Variants in RGS7BP observed in about 807,000 individuals in gnomAD.
The protein encoded by RGS7BP is regulator of G protein signaling 7 binding protein, also known as regulator of G protein signaling 7-binding protein.
A neutral mutation model predicts 31.3 loss-of-function variants in RGS7BP; 9 were observed. That is an observed-to-expected ratio of 0.29 (90% CI 0.17 to 0.50). The LOEUF (loss-of-function observed/expected upper bound fraction) is 0.50. Among genes scored for constraint, RGS7BP ranks in the 20% least tolerant of loss-of-function variants. The pLI is 0.98. For missense variants in RGS7BP, 274 were observed against 322.0 expected, an observed-to-expected ratio of 0.85 and a Z score of 1.14; for synonymous variants, 115 against 120.1, an observed-to-expected ratio of 0.96 and a Z score of 0.28.
At position 64,565,457 on chromosome 5, in the gene RGS7BP, C is replaced by T. The variant is rs545883263; in HGVS notation, c.333-10317C>T. On this transcript the variant is annotated intron_variant, in intron 2 of 5. Transcript: ENST00000334025. ...TGGCATAAATCATCTTTTCCCCTTT[C>T]TACGTATCTGCATAAAAGTTCTGTT... Among the ~76,000 whole-genome samples the T allele has an allele frequency of 3.3e-5, 5 of 152,126 alleles. No individual in the cohort carries two copies. The South Asian group carries it at 1.0e-3, about 31-fold the overall frequency.
intron 2 of RGS7BP, among the ~76,000 whole-genome samples, chr5:64,560,585 G>T (rs533300968): frequency 6.6e-5 from 10 of 150,736 alleles, no homozygotes; most frequent in African/African-American, 2.4e-4. Flanking sequence ...AGTACATATT[G>T]TACACTAGAA....
rs752607827 is a variant in RGS7BP, at chr5:64,531,907, T to G, written c.332+24030T>G. ...TAATATGTTTAAACAATGTTAAAATTTTTCATCATCTTGGAAATTCCCCTC... is the reference window on the plus strand; with the variant it reads ...TAATATGTTTAAACAATGTTAAAATGTTTCATCATCTTGGAAATTCCCCTC... On this transcript the variant is annotated intron_variant, in intron 2 of 5. Coordinates refer to ENST00000334025, the MANE Select transcript of RGS7BP (RefSeq NM_001029875.3). 4.3e-4 allele frequency among the ~76,000 whole-genome samples: 65 copies of G among 152,210 alleles called. 1 individual carries two copies. The highest frequency in any genetic ancestry group is 8.1e-4 in the Non-Finnish European group (55 of 68,036).
At position 64,609,476 on chromosome 5, in the gene RGS7BP, G is replaced by C; in HGVS notation, c.*224G>C. ...TTCAAAAACCAGGCTGTTTTTAAAA[G>C]GGAATTTTAAAGCTGACATTGTGCA... On this transcript the variant is annotated 3_prime_UTR_variant, in exon 6 of 6. Transcript: ENST00000334025. 1 of 524,746 alleles carries C rather than the reference G, an allele frequency of 1.9e-6. No homozygotes were observed. The highest frequency in any genetic ancestry group is 3.1e-5 in the East Asian group (1 of 32,394). The allele number at this position is 524,746 out of a possible 1,614,324, so 32.5% of individuals were successfully genotyped here.
intron 2 of RGS7BP, among the ~76,000 whole-genome samples, chr5:64,545,695 GA>G (rs1162381293): frequency 6.6e-6 from 1 of 152,166 alleles, no homozygotes; most frequent in African/African-American, 2.4e-5. Context: ...TCTAAGAAAA[GA>G]AGGCAATAAA....
rs1160756995 is a variant in RGS7BP, at chr5:64,551,036, T to C, written c.333-24738T>C. On this transcript the variant is annotated intron_variant, in intron 2 of 5. Coordinates refer to ENST00000334025, the MANE Select transcript of RGS7BP (RefSeq NM_001029875.3). The stretch of plus-strand genomic sequence containing the variant: ...CTAAAGCTTTTAAACCAGAATACAA[T>C]CATAGCAGCAATTACCCATATTGAA... Among the ~76,000 whole-genome samples, 3 of 151,742 alleles carry C rather than the reference T, an allele frequency of 2.0e-5. No individual in the cohort carries two copies. The East Asian group carries it at 5.8e-4, about 29-fold the overall frequency.
At chr5:64,585,035 C>T (rs1742705908) in intron 3 of RGS7BP, among the ~76,000 whole-genome samples, 1 of 152,138 alleles carries the variant, frequency 6.6e-6, no homozygotes, top group South Asian at 2.1e-4. Context: ...AAGCACCTAG[C>T]AGTTATGAAA....
intron 3 of RGS7BP, among the ~76,000 whole-genome samples, chr5:64,583,112 G>A (rs1316602671): frequency 6.6e-6 from 1 of 152,204 alleles, no homozygotes; most frequent in African/African-American, 2.4e-5. Flanking sequence ...GGTAGGCCAG[G>A]CGCAGTGGCT....
chr5:64,546,146 T>C (rs1472684892), intron 2 of RGS7BP, among the ~76,000 whole-genome samples: 1 of 151,966 alleles, frequency 6.6e-6, no homozygotes, highest in Non-Finnish European at 1.5e-5. Context: ...AGAACAAGAC[T>C]CTGTCTCAAA....
chr5:64,608,946 G>C (rs1332242577), intron 5 of RGS7BP, among the ~76,000 whole-genome samples: 1 of 151,996 alleles, frequency 6.6e-6, no homozygotes, highest in Non-Finnish European at 1.5e-5. Flanking sequence ...TTGTCATACA[G>C]TGCTACTGGC....
intron 2 of RGS7BP, among the ~76,000 whole-genome samples, chr5:64,552,714 G>A (rs566725826): frequency 5.3e-5 from 8 of 152,196 alleles, no homozygotes; most frequent in African/African-American, 1.9e-4. Context: ...GGTGTCTATT[G>A]ACTATTTTGT....
chr5:64,608,285 C>A (rs1743415267), intron 5 of RGS7BP, among the ~76,000 whole-genome samples: 1 of 152,034 alleles, frequency 6.6e-6, no homozygotes, highest in African/African-American at 2.4e-5. Context: ...CCCACCTTCT[C>A]TTTTGCTTTG....
intron 3 of RGS7BP, among the ~76,000 whole-genome samples, chr5:64,589,393 T>G (rs1742848508): frequency 6.6e-6 from 1 of 152,118 alleles, no homozygotes; most frequent in African/African-American, 2.4e-5. Context: ...TGATAATACT[T>G]AGCATCATGA....
Position 64,593,310 on chromosome 5 carries a change from C to T in RGS7BP, c.464-1400C>T, listed in dbSNP as rs146774594. On this transcript the variant is annotated intron_variant, in intron 3 of 5. Transcript: ENST00000334025. ...TTCAGGGATGAGATTTTTGCTACTT[C>T]CCTCCAGCAGGAATCCAAGGAAAAA... Among the ~76,000 whole-genome samples, 407 of 152,336 alleles carry T rather than the reference C, an allele frequency of 2.7e-3. 3 individuals carry two copies. Among genetic ancestry groups the T allele is most frequent in the African/African-American group, 7.9e-3 (327 of 41,580 alleles).
intron 2 of RGS7BP, among the ~76,000 whole-genome samples, chr5:64,517,202 G>T (rs369899054): frequency 2.0e-5 from 3 of 152,096 alleles, no homozygotes; most frequent in African/African-American, 7.2e-5. Context: ...AGGAAGAAAA[G>T]AGGAAGGTCA....
At chr5:64,532,886 T>C (rs73109068) in intron 2 of RGS7BP, among the ~76,000 whole-genome samples, 5,934 of 152,182 alleles carry the variant, frequency 0.039, 289 homozygotes, top group African/African-American at 0.11. Context: ...CCTAGCATAA[T>C]CACACTACCC....
At position 64,591,014 on chromosome 5, in the gene RGS7BP, T is replaced by C. The variant is rs184291630; in HGVS notation, c.464-3696T>C. On this transcript the variant is annotated intron_variant, in intron 3 of 5. Transcript: ENST00000334025. ...AAACTGTGCAAGTATTAGAAGAAAA[T>C]ATAGGCAAGGCACAGTACTAAAAGA... is the stretch of plus-strand genomic sequence containing the variant. 2.6e-5 allele frequency among the ~76,000 whole-genome samples: 4 copies of C among 152,170 alleles called. No homozygotes were observed. In the East Asian group the frequency reaches 7.7e-4, roughly 29 times the overall value.
rs541830917 is a variant in RGS7BP at position 64,586,308 on chromosome 5, C to T, written c.464-8402C>T. ...CCAGTCTCATATCTCACCAGTAATC[C>T]CCACCTCGCCTGCCCTTATACCCTG... On this transcript the variant is annotated intron_variant, in intron 3 of 5. Transcript: ENST00000334025. Among the ~76,000 whole-genome samples, 6 of 152,094 alleles carry T rather than the reference C, an allele frequency of 3.9e-5. No homozygotes were observed. In the East Asian group the frequency reaches 1.2e-3, roughly 29 times the overall value.
chr5:64,509,727 T>C (rs1226740345), intron 2 of RGS7BP, among the ~76,000 whole-genome samples: 1 of 152,196 alleles, frequency 6.6e-6, no homozygotes, highest in Non-Finnish European at 1.5e-5. Context: ...AGCTCTTTGC[T>C]ACTTGTTTGC....
intron 2 of RGS7BP, among the ~76,000 whole-genome samples, chr5:64,562,406 T>G (rs1186681623): frequency 6.6e-6 from 1 of 152,102 alleles, no homozygotes; most frequent in Non-Finnish European, 1.5e-5. Context: ...TTTTTGACAA[T>G]GCTATGAAGT....
Sources: gnomAD v4.1 joint callset for allele counts (sites outside exome capture counted in the v4.1 genomes callset) on GRCh38, gnomAD v4.1.1 for gene constraint, MANE v1.5 for transcripts, NCBI Gene and HGNC (gene_info 2026-07-23, HGNC 2026-07-21) for gene names.